TTC7B: variants seen among roughly 807,000 people sequenced by gnomAD.
The protein encoded by TTC7B is tetratricopeptide repeat domain 7B.
In TTC7B, 28 loss-of-function variants were observed where a neutral mutation model predicts 106.8. The ratio of observed to expected loss-of-function variants is 0.26; its 90% CI spans 0.19 to 0.36. The LOEUF (loss-of-function observed/expected upper bound fraction) is 0.36. Among genes scored for constraint, TTC7B ranks in the 10% least tolerant of loss-of-function variants. TTC7B has a pLI of 1.00. For missense variants in TTC7B, 862 were observed against 1,076.4 expected, an observed-to-expected ratio of 0.80 and a Z score of 2.79; for synonymous variants, 405 against 430.6, an observed-to-expected ratio of 0.94 and a Z score of 0.74.
At chr14:90,724,355 T>G (rs910833424) in intron 5 of TTC7B, among the ~76,000 whole-genome samples, 1 of 152,154 alleles carries the variant, frequency 6.6e-6, no homozygotes, top group Non-Finnish European at 1.5e-5. Context: ...CACAACCTAA[T>G]GTAGGCCCTG....
At chr14:90,704,053 G>A (rs576168634) in intron 5 of TTC7B, among the ~76,000 whole-genome samples, 1 of 152,344 alleles carries the variant, frequency 6.6e-6, no homozygotes, top group Non-Finnish European at 1.5e-5. Flanking sequence ...GATGGGGAAG[G>A]ACTGGCCAAC....
chr14:90,610,332 G>A (rs1296214020), intron 17 of TTC7B, among the ~76,000 whole-genome samples: 1 of 152,232 alleles, frequency 6.6e-6, no homozygotes, highest in Non-Finnish European at 1.5e-5. Context: ...GCCACCCTAC[G>A]GGGTCTTGTG....
intron 3 of TTC7B, among the ~76,000 whole-genome samples, chr14:90,771,313 A>T (rs1311474216): frequency 6.6e-6 from 1 of 152,202 alleles, no homozygotes; most frequent in Non-Finnish European, 1.5e-5. Flanking sequence ...AAATATTCAT[A>T]GGCCCGGCAC....
intron 2 of TTC7B, among the ~76,000 whole-genome samples, chr14:90,783,116 G>C (rs1891273634): frequency 6.6e-6 from 1 of 152,182 alleles, no homozygotes; most frequent in African/African-American, 2.4e-5. Flanking sequence ...TCGGCTGCCT[G>C]GGCAGTGGGA....
chr14:90,735,756 C>CA (rs1396676792), intron 4 of TTC7B, among the ~76,000 whole-genome samples: 1 of 151,172 alleles, frequency 6.6e-6, no homozygotes, highest in East Asian at 1.9e-4. Context: ...AAAATCTTGA[C>CA]AAAATAGGAA....
At chr14:90,610,664 C>T in intron 17 of TTC7B, 78 bp downstream of exon 17, 1 of 1,062,114 alleles carries the variant, frequency 9.4e-7, no homozygotes, top group Non-Finnish European at 1.5e-6. Context: ...CCCGATCAGT[C>T]TCATCCCATG....
chr14:90,628,604 G>C (rs926797735), intron 15 of TTC7B, among the ~76,000 whole-genome samples: 4 of 152,170 alleles, frequency 2.6e-5, no homozygotes, highest in Non-Finnish European at 5.9e-5. Flanking sequence ...TAGAAATGGC[G>C]CCTTCTGCAC....
At chr14:90,614,543 A>T (rs1892993656) in intron 16 of TTC7B, among the ~76,000 whole-genome samples, 1 of 152,262 alleles carries the variant, frequency 6.6e-6, no homozygotes, top group Admixed American at 6.5e-5. Context: ...GTTAACAATA[A>T]AAAATGAAAA....
At chr14:90,560,354 C>T (rs1223235661) in intron 19 of TTC7B, among the ~76,000 whole-genome samples, 3 of 152,206 alleles carry the variant, frequency 2.0e-5, no homozygotes, top group Non-Finnish European at 4.4e-5. Flanking sequence ...GCACTGCATG[C>T]AAGTGTGAAC....
At position 90,626,345 on chromosome 14, in the gene TTC7B, AC is replaced by A. The variant is rs374867334; in HGVS notation, c.1752-8301del. On this transcript the variant is annotated intron_variant, in intron 15 of 19. Transcript: ENST00000328459. ...TACATTAAGCCCCCAAAGGAAGGCC[AC>A]CCCTGCCCGTGTCTTGAACAGAATG... Among the ~76,000 whole-genome samples the A allele has an allele frequency of 5.3e-5, 8 of 152,244 alleles. No individual in the cohort carries two copies. The East Asian group carries it at 1.5e-3, about 29-fold the overall frequency.
In TTC7B at chr14:90,532,595, A is replaced by C. The variant is rs1889312290; in HGVS notation, c.*8773T>G. On this transcript the variant is annotated 3_prime_UTR_variant, in exon 20 of 20. Coordinates refer to ENST00000328459, the MANE Select transcript of TTC7B (RefSeq NM_001010854.2). ...GTCCCCGACCAGCCAATCTAAAGTA[A>C]CCCTCCCCCTGTCACTTCAAATTTG... 6.6e-6 allele frequency: 1 copy of C among 151,960 alleles called. No individual in the cohort carries two copies. The highest frequency in any genetic ancestry group is 2.4e-5 in the African/African-American group (1 of 41,338). 9.4% of individuals were successfully genotyped at this position (151,960 alleles called of 1,614,324 possible). A position where few individuals can be genotyped will look rare whatever the true frequency, so the allele number is the denominator to read the frequency against.
intron 17 of TTC7B, among the ~76,000 whole-genome samples, chr14:90,595,744 T>C (rs1203004045): frequency 1.3e-5 from 2 of 152,212 alleles, no homozygotes; most frequent in African/African-American, 2.4e-5. Flanking sequence ...CATGATGTTA[T>C]AGCTACATCC....
At chr14:90,711,012 A>G (rs1378570068) in intron 5 of TTC7B, among the ~76,000 whole-genome samples, 3 of 152,204 alleles carry the variant, frequency 2.0e-5, no homozygotes, top group Non-Finnish European at 4.4e-5. Flanking sequence ...CTATCCTTCA[A>G]AAATGAGGAA....
Position 90,610,756 on chromosome 14 carries a change from C to T in TTC7B, c.1952G>A (p.Ser651Asn). ...QLNTITLPDF[S>N]DPETGSVHAT... Reference sequence around the variant, plus strand: ...TTTATTCTCACCTGTCTCGGGATCGCTGAAGTCTGGCAAAGTAATTGTATT... The same window carrying T: ...TTTATTCTCACCTGTCTCGGGATCGTTGAAGTCTGGCAAAGTAATTGTATT... The change falls in exon 17 of 20, where the codon AGC becomes AAC. Residue 651 changes from serine to asparagine, a missense_variant. Ser to Asn is a conservative substitution (Grantham distance 46). Transcript: ENST00000328459. The T allele has an allele frequency of 6.2e-7, 1 of 1,613,592 alleles. No individual in the cohort carries two copies.
intron 5 of TTC7B, among the ~76,000 whole-genome samples, chr14:90,707,198 G>C (rs1375630590): frequency 6.6e-6 from 1 of 152,136 alleles, no homozygotes; most frequent in Non-Finnish European, 1.5e-5. Flanking sequence ...TTCATCATCT[G>C]TTATCAGTGA....
At chr14:90,664,246 A>G (rs1311235908) in intron 9 of TTC7B, among the ~76,000 whole-genome samples, 3 of 152,172 alleles carry the variant, frequency 2.0e-5, no homozygotes, top group Non-Finnish European at 4.4e-5. Flanking sequence ...ACATAAAATA[A>G]AAGCATTCAC....
At chr14:90,721,112 C>T (rs1330217227) in intron 5 of TTC7B, among the ~76,000 whole-genome samples, 1 of 152,128 alleles carries the variant, frequency 6.6e-6, no homozygotes, top group Non-Finnish European at 1.5e-5. Context: ...GTAAACCATG[C>T]AGGGAGGGGC....
chr14:90,610,028 G>A (rs147845624), intron 17 of TTC7B, among the ~76,000 whole-genome samples: 4 of 152,326 alleles, frequency 2.6e-5, no homozygotes, highest in African/African-American at 4.8e-5. Flanking sequence ...TAGGCTGTGT[G>A]TATAGGTGTA....
chr14:90,554,196 G>A (rs935576323), intron 19 of TTC7B, among the ~76,000 whole-genome samples: 4 of 152,300 alleles, frequency 2.6e-5, no homozygotes, highest in East Asian at 1.9e-4. Context: ...ATCCGGAGAC[G>A]GACCGCAGCC....
Sources: allele counts gnomAD v4.1 joint callset (sites outside exome capture counted in the v4.1 genomes callset), GRCh38; gene constraint gnomAD v4.1.1; transcripts MANE v1.5; gene names NCBI Gene and HGNC (gene_info 2026-07-23, HGNC 2026-07-21).